Variants in ARL1 observed in about 807,000 individuals in gnomAD.
The protein encoded by ARL1 is ARF like GTPase 1.
ARL1 carries 17 observed loss-of-function variants against 30.1 expected under a neutral mutation model. The ratio of observed to expected loss-of-function variants is 0.56; its 90% CI spans 0.39 to 0.85. The LOEUF (loss-of-function observed/expected upper bound fraction) is 0.85, where lower values mean the gene tolerates loss of function less well. Ranked by LOEUF, ARL1 falls within the 40% of genes least tolerant of loss-of-function variation. The pLI, the probability that ARL1 is intolerant of heterozygous loss-of-function variation, is 0.00. For missense variants in ARL1, 102 were observed against 212.6 expected (o/e 0.48, Z 3.24); for synonymous variants, 58 against 71.7 (o/e 0.81, Z 0.97).
rs1871247260 is a variant in ARL1 at position 101,399,537 on chromosome 12, A to G, written c.336+1525T>C. Among the ~76,000 whole-genome samples the G allele has an allele frequency of 1.4e-5, 2 of 145,766 alleles. 1 individual carries two copies. The highest frequency in any genetic ancestry group is 5.1e-5 in the African/African-American group (2 of 39,280). On this transcript the variant is annotated intron_variant, in intron 4 of 5. Transcript: ENST00000261636. ...AAAAAAAAAAAAAAAAAAAAAAAAA[A>G]AAGAATTCAAAAGTACATAGTCCCC...
At chr12:101,396,230 G>C (rs1871147246) in intron 5 of ARL1, 169 bp downstream of exon 5, 1 of 824,976 alleles carries the variant, frequency 1.2e-6, no homozygotes, top group African/African-American at 1.7e-5. Flanking sequence ...TGGTTGAGAA[G>C]ACAGATGCAC....
intron 5 of ARL1, among the ~76,000 whole-genome samples, chr12:101,395,918 T>C (rs545183104): frequency 6.6e-6 from 1 of 152,304 alleles, no homozygotes; most frequent in East Asian, 1.9e-4. Context: ...GGGCTACATA[T>C]GGATGACTCA....
intron 2 of ARL1, among the ~76,000 whole-genome samples, chr12:101,405,413 T>C (rs1871412624): frequency 6.6e-6 from 1 of 152,222 alleles, no homozygotes; most frequent in African/African-American, 2.4e-5. Context: ...GGGTATTTGT[T>C]ATCTTATGTA....
At chr12:101,398,019 C>T (rs1161628845) in intron 4 of ARL1, among the ~76,000 whole-genome samples, 1 of 152,032 alleles carries the variant, frequency 6.6e-6, no homozygotes, top group African/African-American at 2.4e-5. Context: ...AATTAAATCT[C>T]ATCTTTTGAA....
chr12:101,395,821 G>T (rs138076259), intron 5 of ARL1, among the ~76,000 whole-genome samples, 151 bp from the exon 6 acceptor site: 1 of 152,062 alleles, frequency 6.6e-6, no homozygotes, highest in Non-Finnish European at 1.5e-5. Context: ...TATCCATAAG[G>T]TTCCTCTAAG....
At position 101,403,597 on chromosome 12, in the gene ARL1, T is replaced by C. The variant is rs543425007; in HGVS notation, c.143-651A>G. 59 of 156,376 alleles carry C rather than the reference T, an allele frequency of 3.8e-4. 2 individuals are homozygous for C. In the South Asian group the frequency reaches 5.1e-3, roughly 14 times the overall value. 9.7% of individuals were successfully genotyped at this position (156,376 alleles called of 1,614,324 possible). A position where few individuals can be genotyped will look rare whatever the true frequency, so the allele number is the denominator to read the frequency against. Reference sequence around the variant, plus strand: ...AACTCACTTGTAATAAGGTCATGGCTGGGTGGTCAAAGGGCAGGTGTCCCA... The same window carrying C: ...AACTCACTTGTAATAAGGTCATGGCCGGGTGGTCAAAGGGCAGGTGTCCCA... On this transcript the variant is annotated intron_variant, in intron 2 of 5. Transcript: ENST00000261636.
chr12:101,403,071 A>C, intron 2 of ARL1, 125 bp from the exon 3 acceptor site: 1 of 498,312 alleles, frequency 2.0e-6, no homozygotes, highest in African/African-American at 2.0e-5. Flanking sequence ...ATATATATAT[A>C]ATTTGTCTTA....
chr12:101,405,729 A>G, intron 2 of ARL1, 115 bp downstream of exon 2: 1 of 1,146,408 alleles, frequency 8.7e-7, no homozygotes, highest in East Asian at 2.9e-5. Context: ...CAGCTTGGAC[A>G]ACATAGTGAT....
chr12:101,403,056 AATAT>A, intron 2 of ARL1, 110 bp from the exon 3 acceptor site: 2 of 516,574 alleles, frequency 3.9e-6, no homozygotes, highest in Non-Finnish European at 3.4e-6. Context: ...TAGAGTTTAA[AATAT>A]ATATATATAT....
At chr12:101,401,593 G>C (rs911593877) in intron 3 of ARL1, 1 of 127,978 alleles carries the variant, frequency 7.8e-6, no homozygotes, top group African/African-American at 3.1e-5. Flanking sequence ...CTGAGATGGT[G>C]CCATTGCACT....
chr12:101,402,978 A>G (rs1425264332), intron 2 of ARL1, 32 bp from the exon 3 acceptor site: 1 of 1,438,690 alleles, frequency 7.0e-7, no homozygotes, highest in Non-Finnish European at 9.7e-7. Flanking sequence ...TGGTATGTGT[A>G]GACTAATACA....
At chr12:101,396,159 G>A (rs1871145335) in intron 5 of ARL1, 1 of 610,314 alleles carries the variant, frequency 1.6e-6, no homozygotes, top group South Asian at 2.0e-5. Context: ...AGGTGAGGCA[G>A]GGAAAAGGCT....
chr12:101,396,384 A>G lies in ARL1; in HGVS notation c.515+15T>C, dbSNP rs760732358. The stretch of plus-strand genomic sequence containing the variant: ...ACACAAATGCACAGATGGCTTCTGG[A>G]AGCATGATACTTGCCATTCCATTGC... On this transcript the variant is annotated intron_variant, in intron 5 of 5. Transcript: ENST00000261636. 3 of 1,614,006 alleles carry G rather than the reference A, an allele frequency of 1.9e-6. No homozygotes were observed. In the South Asian group the frequency reaches 3.3e-5, roughly 18 times the overall value.
At chr12:101,403,011 C>A in intron 2 of ARL1, 65 bp from the exon 3 acceptor site, 2 of 1,040,324 alleles carry the variant, frequency 1.9e-6, no homozygotes, top group East Asian at 2.5e-5. Context: ...AATATCCTAT[C>A]TAATTGAGTT....
chr12:101,404,002 A>G (rs1041311855), intron 2 of ARL1, among the ~76,000 whole-genome samples: 13 of 152,186 alleles, frequency 8.5e-5, no homozygotes, highest in African/African-American at 3.1e-4. Flanking sequence ...GTATAACTGG[A>G]CAATTAGCTT....
chr12:101,407,688 T>C lies in ARL1; in HGVS notation c.-43A>G, dbSNP rs768805682. ...CCCTCGCCGATCTTCAGTGATTCCT[T>C]GGCCTTCGGCTGCAGCTCCGAGGCG... On this transcript the variant is annotated 5_prime_UTR_variant, in exon 1 of 6. Coordinates refer to ENST00000261636, the MANE Select transcript of ARL1 (RefSeq NM_001177.6). 20 of 1,611,738 alleles carry C rather than the reference T, an allele frequency of 1.2e-5. No individual in the cohort carries two copies. Among genetic ancestry groups the C allele is most frequent in the Admixed American group, 1.2e-4 (7 of 59,948 alleles).
In ARL1 at chr12:101,395,375, A is replaced by C; in HGVS notation, c.*265T>G. The C allele has an allele frequency of 2.7e-6, 1 of 367,154 alleles. No individual in the cohort carries two copies. Among genetic ancestry groups the C allele is most frequent in the South Asian group, 1.0e-4 (1 of 9,888 alleles). The allele number at this position is 367,154 out of a possible 1,614,324, so 22.7% of individuals were successfully genotyped here. ...TCTTTAATAGAACTGTATTTGAATA[A>C]GAATTCCATACAAATAGAATATATA... On this transcript the variant is annotated 3_prime_UTR_variant, in exon 6 of 6. Transcript: ENST00000261636.
At chr12:101,407,614 G>C (rs1871483814) in intron 1 of ARL1, 28 bp downstream of exon 1, 8 of 1,609,024 alleles carry the variant, frequency 5.0e-6, no homozygotes, top group Non-Finnish European at 5.9e-6. Context: ...CCTCGAGCGC[G>C]CCCAGGTGCC....
upstream of ARL1, chr12:101,407,774 G>T: frequency 7.3e-7 from 1 of 1,367,016 alleles, no homozygotes; most frequent in Non-Finnish European, 1.0e-6. Context: ...GGGGGCGGGA[G>T]CGAGGGTCAG....
Sources: allele counts gnomAD v4.1 joint callset (sites outside exome capture counted in the v4.1 genomes callset), GRCh38; gene constraint gnomAD v4.1.1; transcripts MANE v1.5; gene names NCBI Gene and HGNC (gene_info 2026-07-23, HGNC 2026-07-21).